The following C2CD3 variants were observed in gnomAD, a reference collection of about 807,000 sequenced individuals.
The protein encoded by C2CD3 is C2 domain-containing protein 3.
In C2CD3, 148 loss-of-function variants were observed where a neutral mutation model predicts 234.0. The ratio of observed to expected loss-of-function variants is 0.63; its 90% CI spans 0.55 to 0.72. The LOEUF is 0.72. Among genes scored for constraint, C2CD3 ranks in the 30% least tolerant of loss-of-function variants. The probability of loss-of-function intolerance (pLI) is 0.00; values close to 1 mark genes in which losing one functional copy is unlikely to be tolerated. For missense variants in C2CD3, 2,577 were observed against 2,811.5 expected (o/e 0.92, Z 1.89); for synonymous variants, 1,000 against 1,035.4 (o/e 0.97, Z 0.66).
chr11:74,040,194 G>C (rs1952959311), intron 29 of C2CD3, among the ~76,000 whole-genome samples: 1 of 152,164 alleles, frequency 6.6e-6, no homozygotes, highest in African/African-American at 2.4e-5. Flanking sequence ...GCTCATGTGA[G>C]GGATCTAGGT....
chr11:74,150,523 A>AAAAAAAAAAAAAAAAAAAAT (rs1855560184), intron 3 of C2CD3, among the ~76,000 whole-genome samples: 1 of 61,196 alleles, frequency 1.6e-5, no homozygotes, highest in Non-Finnish European at 3.3e-5. Flanking sequence ...AAACAAAAAA[A>AAAAAAAAAAAAAAAAAAAAT]AAACAAAACA....
chr11:74,094,107 G>T, intron 17 of C2CD3, 108 bp from the exon 18 acceptor site: 1 of 809,258 alleles, frequency 1.2e-6, no homozygotes, highest in Non-Finnish European at 1.9e-6. Context: ...TAGTAGTTAT[G>T]GTTCCCTAAG....
At chr11:74,056,873 C>A (rs1953972848) in intron 25 of C2CD3, among the ~76,000 whole-genome samples, 1 of 151,546 alleles carries the variant, frequency 6.6e-6, no homozygotes, top group Non-Finnish European at 1.5e-5. Flanking sequence ...GCTCTACCAG[C>A]ATCCCCTTCT....
intron 31 of C2CD3, among the ~76,000 whole-genome samples, chr11:74,030,817 C>T (rs1032013280): frequency 6.6e-6 from 1 of 152,210 alleles, no homozygotes; most frequent in Non-Finnish European, 1.5e-5. Flanking sequence ...TCTCCCAAAC[C>T]TGTCTATGTG....
chr11:74,084,784 T>A, intron 22 of C2CD3, 97 bp downstream of exon 22: 1 of 765,958 alleles, frequency 1.3e-6, no homozygotes, highest in Non-Finnish European at 2.3e-6. Flanking sequence ...TTGTGTTTTC[T>A]TTTGAATATC....
chr11:74,080,603 A>T (rs970555021), intron 22 of C2CD3, among the ~76,000 whole-genome samples: 1 of 152,238 alleles, frequency 6.6e-6, no homozygotes, highest in Non-Finnish European at 1.5e-5. Context: ...TATAGGTAGG[A>T]AAAAACAAAA....
In C2CD3 at chr11:74,139,013, T is replaced by C. The variant is rs544094145; in HGVS notation, c.708-46A>G. On this transcript the variant is annotated intron_variant, in intron 4 of 32. Coordinates refer to ENST00000334126, the MANE Select transcript of C2CD3 (RefSeq NM_001286577.2). ...AACATCAGCAATATATAATCTATTATGGTAACATTCTATTTTGTCAGAGAC... is the reference window on the plus strand; with the variant it reads ...AACATCAGCAATATATAATCTATTACGGTAACATTCTATTTTGTCAGAGAC... 8 of 1,500,458 alleles carry C rather than the reference T, an allele frequency of 5.3e-6. No homozygotes were observed. The East Asian group carries it at 1.1e-4, about 21-fold the overall frequency. The allele number at this position is 1,500,458 out of a possible 1,614,324, so 92.9% of individuals were successfully genotyped here.
chr11:74,064,299 C>G (rs1400369529), intron 24 of C2CD3, among the ~76,000 whole-genome samples: 2 of 152,174 alleles, frequency 1.3e-5, no homozygotes, highest in African/African-American at 4.8e-5. Context: ...AGAGCCAAGT[C>G]ATGAGTGAAT....
At chr11:74,097,659 T>G (rs7130095) in intron 16 of C2CD3, among the ~76,000 whole-genome samples, 7,095 of 152,312 alleles carry the variant, frequency 0.047, 523 homozygotes, top group African/African-American at 0.16. Context: ...CTTTCCAGCA[T>G]GGGCTCAGCC....
At chr11:74,124,251 A>G (rs61901238) in intron 7 of C2CD3, among the ~76,000 whole-genome samples, 27,315 of 152,064 alleles carry the variant, frequency 0.18, 2,644 homozygotes, top group East Asian at 0.3. Context: ...CTTCCTTTCA[A>G]GCTAGCTGCT....
intron 3 of C2CD3, among the ~76,000 whole-genome samples, chr11:74,148,084 A>T (rs1855339649): frequency 6.6e-6 from 1 of 151,540 alleles, no homozygotes; most frequent in Admixed American, 6.6e-5. Context: ...CAAATTTTAC[A>T]AATGTCTAAC....
intron 3 of C2CD3, among the ~76,000 whole-genome samples, chr11:74,146,525 A>C (rs1174078574): frequency 2.0e-5 from 3 of 152,174 alleles, no homozygotes; most frequent in Non-Finnish European, 4.4e-5. Context: ...CAGCTCTCTG[A>C]ACTGAAAAAA....
intron 29 of C2CD3, among the ~76,000 whole-genome samples, chr11:74,039,652 T>C (rs2135418992): frequency 6.6e-6 from 1 of 152,298 alleles, no homozygotes; most frequent in East Asian, 1.9e-4. Flanking sequence ...TCCCTCAGGA[T>C]ACACTTGGCA....
At chr11:74,126,610 G>T (rs972194327) in intron 7 of C2CD3, among the ~76,000 whole-genome samples, 36 of 152,148 alleles carry the variant, frequency 2.4e-4, no homozygotes, top group Admixed American at 5.2e-4. Context: ...TGGGCATGGT[G>T]GCATGCGCCT....
chr11:74,088,219 T>C (rs1955732276), intron 20 of C2CD3, among the ~76,000 whole-genome samples: 8 of 152,232 alleles, frequency 5.3e-5, no homozygotes, highest in Admixed American at 3.9e-4. Context: ...GTTTATAAAA[T>C]GACTTCATAT....
chr11:74,026,766 G>A (rs971617131), intron 32 of C2CD3, among the ~76,000 whole-genome samples: 1 of 151,884 alleles, frequency 6.6e-6, no homozygotes, highest in Non-Finnish European at 1.5e-5. Context: ...TCAAGAGATT[G>A]AGACCATCCT....
chr11:74,170,808 T>G lies in C2CD3; in HGVS notation c.-16A>C, dbSNP rs772538856. On this transcript the variant is annotated 5_prime_UTR_variant, in exon 1 of 33. Coordinates refer to ENST00000334126, the MANE Select transcript of C2CD3 (RefSeq NM_001286577.2). The stretch of plus-strand genomic sequence containing the variant: ...GTTGTTTCATGATGAGCCCGAGCTC[T>G]TCTTCACCAGCTCAACTCCGTCTCC... 1 of 1,614,182 alleles carries G rather than the reference T, an allele frequency of 6.2e-7. No homozygotes were observed. Among genetic ancestry groups the G allele is most frequent in the East Asian group, 2.2e-5 (1 of 44,888 alleles).
chr11:74,016,185 AG>A (rs1951874546), intron 32 of C2CD3, among the ~76,000 whole-genome samples: 1 of 152,362 alleles, frequency 6.6e-6, no homozygotes, highest in African/African-American at 2.4e-5. Flanking sequence ...CTGTTGTCAT[AG>A]GGCTGCTCAG....
chr11:74,039,884 C>T (rs901168967), intron 29 of C2CD3, among the ~76,000 whole-genome samples: 1 of 151,976 alleles, frequency 6.6e-6, no homozygotes, highest in South Asian at 2.1e-4. Context: ...ATGTGAATGA[C>T]CCAAAAAAAT....
Sources: gnomAD v4.1 joint callset for allele counts (sites outside exome capture counted in the v4.1 genomes callset) on GRCh38, gnomAD v4.1.1 for gene constraint, MANE v1.5 for transcripts, NCBI Gene and HGNC (gene_info 2026-07-23, HGNC 2026-07-21) for gene names.